PTPRN2: variants seen among roughly 807,000 people sequenced by gnomAD.
PTPRN2 encodes the protein protein tyrosine phosphatase receptor type N2, also known as receptor-type tyrosine-protein phosphatase N2.
A neutral mutation model predicts 118.8 loss-of-function variants in PTPRN2; 74 were observed. That is an observed-to-expected ratio of 0.62 (90% CI 0.52 to 0.76). PTPRN2 has a LOEUF of 0.76. PTPRN2 is among the 30% of genes least tolerant of loss of function. The pLI is 0.00. For missense variants in PTPRN2, 1,481 were observed against 1,394.4 expected, an observed-to-expected ratio of 1.06 and a Z score of -0.99; for synonymous variants, 641 against 608.0, an observed-to-expected ratio of 1.05 and a Z score of -0.80.
At chr7:157,940,197 G>A (rs1337560805) in intron 11 of PTPRN2, among the ~76,000 whole-genome samples, 2 of 152,142 alleles carry the variant, frequency 1.3e-5, no homozygotes, top group African/African-American at 4.8e-5. Flanking sequence ...AGCGATGGTG[G>A]TGTTCAGAAC....
chr7:157,763,667 T>C lies in PTPRN2; in HGVS notation c.1789-80730A>G, dbSNP rs1279597033. On this transcript the variant is annotated intron_variant, in intron 12 of 22. Transcript: ENST00000389418. The surrounding 1 kb of genome is among the most constrained non-coding windows in gnomAD (Gnocchi z 4.9). ...TAGCCTGCCTCACTGCTTGGTTTCC[T>C]CTTCATTCGGAATTAATTCCTCCCT... Among the ~76,000 whole-genome samples, 3 of 152,020 alleles carry C rather than the reference T, an allele frequency of 2.0e-5. No homozygotes were observed. The highest frequency in any genetic ancestry group is 4.4e-5 in the Non-Finnish European group (3 of 68,012).
At chr7:158,063,311 A>G (rs1373010060) in intron 11 of PTPRN2, among the ~76,000 whole-genome samples, 1 of 152,240 alleles carries the variant, frequency 6.6e-6, no homozygotes, top group Non-Finnish European at 1.5e-5. Flanking sequence ...CTCTGTGTCT[A>G]GCTCAAGGTT....
intron 11 of PTPRN2, among the ~76,000 whole-genome samples, chr7:158,038,849 CA>C (rs905431031): frequency 5.4e-5 from 8 of 148,762 alleles, no homozygotes; most frequent in East Asian, 2.0e-4. Context: ...AATAAAATAA[CA>C]AAAAAAAACA....
intron 11 of PTPRN2, among the ~76,000 whole-genome samples, chr7:158,002,959 G>A (rs186668606): frequency 1.6e-4 from 24 of 152,230 alleles, no homozygotes; most frequent in African/African-American, 5.5e-4. Context: ...CAGCACAAGT[G>A]GGGGTCTGCT....
intron 5 of PTPRN2, among the ~76,000 whole-genome samples, chr7:158,170,215 G>T (rs1472311504): frequency 1.3e-5 from 2 of 152,074 alleles, no homozygotes; most frequent in Non-Finnish European, 2.9e-5. Flanking sequence ...CCACAAATTG[G>T]GTGTAAGTGT....
chr7:157,854,298 T>G (rs1809516326), intron 12 of PTPRN2, among the ~76,000 whole-genome samples: 1 of 152,190 alleles, frequency 6.6e-6, no homozygotes, highest in Non-Finnish European at 1.5e-5. Flanking sequence ...CGTGGCTGCC[T>G]CTGCCCCACC....
At chr7:158,285,027 A>G (rs910567678) in intron 3 of PTPRN2, among the ~76,000 whole-genome samples, 17 of 152,214 alleles carry the variant, frequency 1.1e-4, no homozygotes, top group African/African-American at 4.1e-4. Context: ...CCTCCTCATC[A>G]CGCTCGTCAT....
intron 2 of PTPRN2, among the ~76,000 whole-genome samples, chr7:158,394,161 G>C (rs866143208): frequency 1.7e-5 from 2 of 114,644 alleles, no homozygotes; most frequent in African/African-American, 7.0e-5. Context: ...TGTCCCCGAC[G>C]GACACCTGGA....
chr7:157,744,903 C>A (rs998671235), intron 12 of PTPRN2, among the ~76,000 whole-genome samples: 2 of 152,204 alleles, frequency 1.3e-5, no homozygotes, highest in African/African-American at 4.8e-5. Context: ...TTCAGCCGCA[C>A]CCCAGTCCCC....
rs2151425026 is a variant in PTPRN2, at chr7:158,407,459, GGTCCTGCGTCCTGC to G, written c.163+82262_163+82275del. Among the ~76,000 whole-genome samples the G allele has an allele frequency of 3.7e-5, 2 of 53,712 alleles. 1 individual carries two copies. Among genetic ancestry groups the G allele is most frequent in the African/African-American group, 2.0e-4 (2 of 10,136 alleles). 35.2% of individuals were successfully genotyped at this position (53,712 alleles called of 152,430 possible). A position where few individuals can be genotyped will look rare whatever the true frequency, so the allele number is the denominator to read the frequency against. ...CCTGGGTCCTGCGTCCTGGGTCCTG[GGTCCTGCGTCCTGC>G]GTCCTGGGTCCTGGGTCCTGGGTCC... is the stretch of plus-strand genomic sequence containing the variant. On this transcript the variant is annotated intron_variant, in intron 2 of 22. Transcript: ENST00000389418.
At chr7:157,551,183 A>G (rs573892170) in intron 21 of PTPRN2, among the ~76,000 whole-genome samples, 2 of 152,264 alleles carry the variant, frequency 1.3e-5, no homozygotes, top group East Asian at 3.9e-4. Context: ...GGTTAGTCTC[A>G]GTGTCACTGC....
chr7:157,955,504 G>A (rs761731144), intron 11 of PTPRN2, among the ~76,000 whole-genome samples: 24 of 152,126 alleles, frequency 1.6e-4, no homozygotes, highest in African/African-American at 2.4e-4. Context: ...GGAAAGCACC[G>A]CAGGCCCATC....
chr7:157,892,139 G>A (rs1283030343), intron 12 of PTPRN2, among the ~76,000 whole-genome samples: 1 of 151,140 alleles, frequency 6.6e-6, no homozygotes, highest in East Asian at 1.9e-4. Context: ...CTGGGCAGGG[G>A]ACCTCTGTGT....
chr7:157,561,548 C>G (rs1057442070), intron 21 of PTPRN2, among the ~76,000 whole-genome samples: 1 of 152,264 alleles, frequency 6.6e-6, no homozygotes, highest in Non-Finnish European at 1.5e-5. Context: ...CCTTTGCAGA[C>G]TGAGCAGGGT....
chr7:157,807,360 C>T (rs1414533878), intron 12 of PTPRN2, among the ~76,000 whole-genome samples: 1 of 152,180 alleles, frequency 6.6e-6, no homozygotes, highest in African/African-American at 2.4e-5. Context: ...TGGTGCTGCA[C>T]ACACATGGCA....
At chr7:158,270,229 G>A (rs564714144) in intron 3 of PTPRN2, among the ~76,000 whole-genome samples, 12 of 152,366 alleles carry the variant, frequency 7.9e-5, no homozygotes, top group Non-Finnish European at 1.6e-4. Context: ...GGCAGAGGCT[G>A]CCTGGAAGGC....
intron 2 of PTPRN2, among the ~76,000 whole-genome samples, chr7:158,444,113 C>A (rs991365809): frequency 2.6e-5 from 4 of 152,228 alleles, no homozygotes; most frequent in African/African-American, 7.2e-5. Context: ...CACTGCCACT[C>A]ACCCCTCCAA....
In PTPRN2 at chr7:157,844,550, G is replaced by A. The variant is rs78608371; in HGVS notation, c.1788+54123C>T. Among the ~76,000 whole-genome samples the A allele has an allele frequency of 7.6e-3, 1,152 of 152,350 alleles. 19 individuals are homozygous for A. The highest frequency in any genetic ancestry group is 0.026 in the African/African-American group (1,093 of 41,580). ...GAGGGTGAGGCTGACACGGGGACAG[G>A]AGCCCAGCGTGACCAGCCTGGGGTC... is the stretch of plus-strand genomic sequence containing the variant. On this transcript the variant is annotated intron_variant, in intron 12 of 22. Coordinates refer to ENST00000389418, the MANE Select transcript of PTPRN2 (RefSeq NM_002847.5).
chr7:157,742,483 T>C (rs1178402208), intron 12 of PTPRN2, among the ~76,000 whole-genome samples: 1 of 150,094 alleles, frequency 6.7e-6, no homozygotes, highest in Non-Finnish European at 1.5e-5. Context: ...AGCTGACTTC[T>C]GTTTTTTTTT....
Sources: gnomAD v4.1 joint callset for allele counts (sites outside exome capture counted in the v4.1 genomes callset) on GRCh38, gnomAD v4.1.1 for gene constraint, Gnocchi (gnomAD v3.1) non-coding constraint, MANE v1.5 for transcripts, NCBI Gene and HGNC (gene_info 2026-07-23, HGNC 2026-07-21) for gene names.